The following ALDH1A2 variants were observed in gnomAD, a reference collection of about 807,000 sequenced individuals.
ALDH1A2 encodes the protein aldehyde dehydrogenase 1 family member A2.
In ALDH1A2, 27 loss-of-function variants were observed where a neutral mutation model predicts 60.3. That is an observed-to-expected ratio of 0.45 (90% CI 0.33 to 0.62). The LOEUF (loss-of-function observed/expected upper bound fraction) is 0.62, where lower values mean the gene tolerates loss of function less well. Among genes scored for constraint, ALDH1A2 ranks in the 20% least tolerant of loss-of-function variants. ALDH1A2 has a pLI of 0.02. For missense variants in ALDH1A2, 581 were observed against 643.8 expected (o/e 0.90, Z 1.06); for synonymous variants, 289 against 232.4 (o/e 1.24, Z -2.21).
At chr15:57,969,099 T>C (rs777488842) in intron 7 of ALDH1A2, among the ~76,000 whole-genome samples, 2 of 152,220 alleles carry the variant, frequency 1.3e-5, no homozygotes, top group Non-Finnish European at 2.9e-5. Flanking sequence ...TGTTAGGCTA[T>C]GGGAGAACCA....
chr15:58,043,006 G>A (rs184047991), intron 1 of ALDH1A2, among the ~76,000 whole-genome samples: 1 of 152,042 alleles, frequency 6.6e-6, no homozygotes, highest in East Asian at 1.9e-4. Context: ...CCTTATAAAA[G>A]TCTTATTTTC....
At position 57,992,710 on chromosome 15, in the gene ALDH1A2, T is replaced by C; in HGVS notation, c.793A>G (p.Thr265Ala). ...GIDKIAFTGS[T>A]EVGKLIQEAA... ...CTGGTTTTTCAGATACCTACCTCAG[T>C]AGACCCTGTGAATGCAATCTTGTCT... The change falls in exon 7 of 13, where the codon ACT becomes GCT. Residue 265 changes from threonine (T) to alanine (A), a missense_variant. Around this residue, in one of 2 missense-constraint regions of ALDH1A2, gnomAD observed 375 missense variants for 469.7 expected, o/e 0.80. Transcript: ENST00000249750. 1 of 1,613,960 alleles carries C rather than the reference T, an allele frequency of 6.2e-7. No individual in the cohort carries two copies. The highest frequency in any genetic ancestry group is 8.5e-7 in the Non-Finnish European group (1 of 1,179,866).
chr15:57,968,690 C>G (rs1388288510), intron 7 of ALDH1A2, among the ~76,000 whole-genome samples: 7 of 152,202 alleles, frequency 4.6e-5, no homozygotes, highest in African/African-American at 1.4e-4. Context: ...CAGGAAAAAT[C>G]ATGAGTTTTA....
chr15:58,037,741 G>A (rs575041329), intron 1 of ALDH1A2, among the ~76,000 whole-genome samples: 12 of 151,698 alleles, frequency 7.9e-5, no homozygotes, highest in African/African-American at 2.9e-4. Context: ...TCCTTGGGTA[G>A]CATCATCCCT....
chr15:57,960,161 T>TA (rs1893673703), intron 12 of ALDH1A2, among the ~76,000 whole-genome samples: 2 of 152,192 alleles, frequency 1.3e-5, no homozygotes, highest in African/African-American at 4.8e-5. Flanking sequence ...TCAATGTTAT[T>TA]AGTTTTATTT....
chr15:57,984,307 G>C (rs1442321221), intron 7 of ALDH1A2, among the ~76,000 whole-genome samples: 2 of 152,100 alleles, frequency 1.3e-5, no homozygotes, highest in Non-Finnish European at 2.9e-5. Flanking sequence ...ATCAATGTTG[G>C]CTATTAATAT....
chr15:57,980,053 C>T, intron 7 of ALDH1A2: 1 of 316,436 alleles, frequency 3.2e-6, no homozygotes. Flanking sequence ...CATGGGGGGG[C>T]AGGATGTGAT....
At chr15:58,035,563 T>C (rs765584957) in intron 1 of ALDH1A2, among the ~76,000 whole-genome samples, 4 of 151,724 alleles carry the variant, frequency 2.6e-5, no homozygotes, top group Non-Finnish European at 5.9e-5. Flanking sequence ...GTGTGATACA[T>C]TTCTATCTAA....
intron 7 of ALDH1A2, among the ~76,000 whole-genome samples, chr15:57,966,754 T>C (rs1451157823): frequency 1.3e-5 from 2 of 152,204 alleles, no homozygotes; most frequent in African/African-American, 4.8e-5. Context: ...CCCAAGTGAC[T>C]GGCAGAGGCT....
At chr15:58,018,808 A>T (rs55866609) in intron 1 of ALDH1A2, among the ~76,000 whole-genome samples, 9,185 of 152,212 alleles carry the variant, frequency 0.06, 310 homozygotes, top group East Asian at 0.13. Flanking sequence ...CCACAAAATA[A>T]TTGTCCTATA....
chr15:58,060,463 C>CTTTTTTTTTTTTTTTTTTTTTTTTT (rs35187901), intron 1 of ALDH1A2, among the ~76,000 whole-genome samples: 9 of 87,510 alleles, frequency 1.0e-4, no homozygotes, highest in East Asian at 3.9e-4. Flanking sequence ...CCACACATAT[C>CTTTTTTTTTTTTTTTTTTTTTTTTT]TTTTTTTTTT....
intron 7 of ALDH1A2, among the ~76,000 whole-genome samples, chr15:57,979,142 G>A (rs1464545267): frequency 1.3e-5 from 2 of 152,258 alleles, no homozygotes; most frequent in Admixed American, 6.5e-5. Flanking sequence ...CCCTGAGGCA[G>A]GTCTGAGGTC....
Position 57,958,582 on chromosome 15 carries a change from C to T in ALDH1A2, c.1484+2188G>A, listed in dbSNP as rs2218285. Among the ~76,000 whole-genome samples the T allele has an allele frequency of 1.6e-3, 245 of 152,298 alleles. 1 individual carries two copies. The highest frequency in any genetic ancestry group is 0.011 in the Admixed American group (162 of 15,296). Reference sequence around the variant, plus strand: ...AGATGTTTCTGGAAGTGCCACTTCACGTCTCTGCTCCTCTTAGGGATAGAC... The same window carrying T: ...AGATGTTTCTGGAAGTGCCACTTCATGTCTCTGCTCCTCTTAGGGATAGAC... On this transcript the variant is annotated intron_variant, in intron 12 of 12. Transcript: ENST00000249750.
At chr15:58,049,799 G>A (rs1354596108) in intron 1 of ALDH1A2, among the ~76,000 whole-genome samples, 1 of 152,096 alleles carries the variant, frequency 6.6e-6, no homozygotes, top group Non-Finnish European at 1.5e-5. Context: ...TTTGAGAGAA[G>A]AAAACTCAAG....
At position 57,984,034 on chromosome 15, in the gene ALDH1A2, A is replaced by G. The variant is rs528767898; in HGVS notation, c.798+8671T>C. Among the ~76,000 whole-genome samples the G allele has an allele frequency of 1.6e-4, 24 of 152,326 alleles. No individual in the cohort carries two copies. The East Asian group carries it at 4.6e-3, about 29-fold the overall frequency. Reference sequence around the variant, plus strand: ...GCTGCACTGAGAAATTATCCTTCCTAAGTACCTCCATTAATATGTCATTCC... The same window carrying G: ...GCTGCACTGAGAAATTATCCTTCCTGAGTACCTCCATTAATATGTCATTCC... On this transcript the variant is annotated intron_variant, in intron 7 of 12. Transcript: ENST00000249750.
In ALDH1A2 at chr15:58,043,499, T is replaced by C. The variant is rs141482666; in HGVS notation, c.117+22035A>G. On this transcript the variant is annotated intron_variant, in intron 1 of 12. Transcript: ENST00000249750. ...CTAAAGAGTGTATGTTAACATTTCATAGCCATTTGAATAACAGAATCTCCA... is the reference window on the plus strand; with the variant it reads ...CTAAAGAGTGTATGTTAACATTTCACAGCCATTTGAATAACAGAATCTCCA... Among the ~76,000 whole-genome samples the C allele has an allele frequency of 1.8e-3, 277 of 152,138 alleles. 4 individuals are homozygous for C. The highest frequency in any genetic ancestry group is 5.9e-3 in the African/African-American group (247 of 41,536).
chr15:57,976,341 G>A (rs1894255582), intron 7 of ALDH1A2, among the ~76,000 whole-genome samples: 1 of 152,074 alleles, frequency 6.6e-6, no homozygotes, highest in Non-Finnish European at 1.5e-5. Context: ...GAAAGTGGAG[G>A]TTTTTTACAT....
chr15:57,958,776 G>T (rs142274617), intron 12 of ALDH1A2, among the ~76,000 whole-genome samples: 1 of 152,280 alleles, frequency 6.6e-6, no homozygotes, highest in Non-Finnish European at 1.5e-5. Flanking sequence ...CTGTCACTCA[G>T]GGTCATTTAA....
rs142026013 is a variant in ALDH1A2, at chr15:58,013,794, A to T, written c.363+64T>A. ...AAAATAAAATAAAATACAGCCGAAG[A>T]ATGTAAATTTCAGCAGAATGGCAAA... On this transcript the variant is annotated intron_variant, in intron 3 of 12. Transcript: ENST00000249750. 5.7e-6 allele frequency: 9 copies of T among 1,589,708 alleles called. No individual in the cohort carries two copies. The African/African-American group carries it at 9.4e-5, about 17-fold the overall frequency.
Sources: gnomAD v4.1 joint callset for allele counts (sites outside exome capture counted in the v4.1 genomes callset) on GRCh38, gnomAD v4.1.1 for gene constraint, gnomAD v4.1.1 regional missense constraint, MANE v1.5 for transcripts, NCBI Gene and HGNC (gene_info 2026-07-23, HGNC 2026-07-21) for gene names.